The following CDON variants were observed in gnomAD, a reference collection of about 807,000 sequenced individuals.
The protein encoded by CDON is cell adhesion molecule-related/down-regulated by oncogenes.
In CDON, 73 loss-of-function variants were observed where a neutral mutation model predicts 120.9. The observed-to-expected ratio is 0.60, with a 90% CI of 0.50 to 0.73. CDON has a LOEUF of 0.73. Ranked by LOEUF, CDON falls within the 30% of genes least tolerant of loss-of-function variation. The pLI, the probability that CDON is intolerant of heterozygous loss-of-function variation, is 0.00. For missense variants in CDON, 1,470 were observed against 1,587.3 expected, an observed-to-expected ratio of 0.93 and a Z score of 1.26; for synonymous variants, 566 against 573.5, an observed-to-expected ratio of 0.99 and a Z score of 0.19.
intron 1 of CDON, among the ~76,000 whole-genome samples, chr11:126,045,736 C>T (rs1948390371): frequency 6.6e-6 from 1 of 152,012 alleles, no homozygotes; most frequent in Admixed American, 6.6e-5. Flanking sequence ...TTTGGGAGGC[C>T]CAGGTGGGCA....
At position 126,021,375 on chromosome 11, in the gene CDON, A is replaced by G; in HGVS notation, c.222T>C (p.His74=). The change falls in exon 3 of 20, where the codon CAT becomes CAC. Residue 74 remains histidine, a synonymous_variant. Coordinates refer to ENST00000531738, the MANE Select transcript of CDON (RefSeq NM_001378964.1). The part of the protein sequence containing the change: ...NGKTLDGNLE[H]VKIHQGTLTI... ...TCAGAGTCCCCTGATGAATCTTAACATGTTCCAGGTTTCCATCCAATGTTT... is the reference window on the plus strand; with the variant it reads ...TCAGAGTCCCCTGATGAATCTTAACGTGTTCCAGGTTTCCATCCAATGTTT... The G allele has an allele frequency of 6.2e-7, 1 of 1,614,124 alleles. No individual in the cohort carries two copies. Among genetic ancestry groups the G allele is most frequent in the Non-Finnish European group, 8.5e-7 (1 of 1,179,996 alleles).
intron 18 of CDON, among the ~76,000 whole-genome samples, chr11:125,968,013 C>T (rs372777560): frequency 3.3e-5 from 5 of 152,068 alleles, no homozygotes; most frequent in East Asian, 1.9e-4. Context: ...TGGGCCACCA[C>T]GCCTGGCTAA....
rs1477313727 is a variant in CDON at position 125,960,103 on chromosome 11, A to G, written c.*839T>C. 2 of 152,256 alleles carry G rather than the reference A, an allele frequency of 1.3e-5. No homozygotes were observed. Among genetic ancestry groups the G allele is most frequent in the Admixed American group, 1.3e-4 (2 of 15,292 alleles). The allele number at this position is 152,256 out of a possible 1,614,324, so 9.4% of individuals were successfully genotyped here. On this transcript the variant is annotated 3_prime_UTR_variant, in exon 20 of 20. Transcript: ENST00000531738. ...CGTGCAGATACAAAGTCAACAGGTCACATTACCACTTCTGTGGAAGGCACT... is the reference window on the plus strand; with the variant it reads ...CGTGCAGATACAAAGTCAACAGGTCGCATTACCACTTCTGTGGAAGGCACT...
At chr11:126,037,500 A>G (rs1948132390) in intron 1 of CDON, among the ~76,000 whole-genome samples, 1 of 152,198 alleles carries the variant, frequency 6.6e-6, no homozygotes, top group African/African-American at 2.4e-5. Flanking sequence ...GCAAAAATAT[A>G]TTGAGTACCT....
chr11:125,964,427 G>A (rs1294898548), intron 18 of CDON, among the ~76,000 whole-genome samples: 1 of 152,132 alleles, frequency 6.6e-6, no homozygotes, highest in Non-Finnish European at 1.5e-5. Flanking sequence ...AATCATGTCA[G>A]TCCCAGAATG....
chr11:126,000,142 T>G (rs1440911805), intron 11 of CDON, among the ~76,000 whole-genome samples: 1 of 152,226 alleles, frequency 6.6e-6, no homozygotes, highest in Non-Finnish European at 1.5e-5. Flanking sequence ...AAAATTGTTA[T>G]CAGTTTGTCT....
chr11:126,022,527 C>A (rs1011489096), intron 2 of CDON, among the ~76,000 whole-genome samples: 1 of 151,996 alleles, frequency 6.6e-6, no homozygotes, highest in Non-Finnish European at 1.5e-5. Context: ...TCTGTTCCAA[C>A]CCGAGAGTGG....
chr11:125,985,106 G>T (rs1266362409), intron 15 of CDON, among the ~76,000 whole-genome samples: 2 of 152,162 alleles, frequency 1.3e-5, no homozygotes, highest in African/African-American at 2.4e-5. Context: ...GAAGCACACA[G>T]CCTATGTTTA....
intron 18 of CDON, among the ~76,000 whole-genome samples, chr11:125,969,160 A>G (rs1218096235): frequency 6.6e-6 from 1 of 152,128 alleles, no homozygotes; most frequent in South Asian, 2.1e-4. Flanking sequence ...CACCATGCCC[A>G]GCTAATTTTG....
At chr11:126,059,135 T>G (rs1050382130) in intron 1 of CDON, among the ~76,000 whole-genome samples, 2 of 152,236 alleles carry the variant, frequency 1.3e-5, no homozygotes, top group African/African-American at 4.8e-5. Flanking sequence ...TGCTCTCAGT[T>G]TGAAAGTTAT....
At chr11:126,050,319 A>G (rs1424459302) in intron 1 of CDON, among the ~76,000 whole-genome samples, 5 of 152,106 alleles carry the variant, frequency 3.3e-5, no homozygotes, top group South Asian at 4.1e-4. Context: ...ACCTAAAAAG[A>G]AAGACTAAAG....
At chr11:125,986,413 T>C (rs923647385) in intron 15 of CDON, among the ~76,000 whole-genome samples, 1 of 152,030 alleles carries the variant, frequency 6.6e-6, no homozygotes, top group African/African-American at 2.4e-5. Context: ...ACATGTACCC[T>C]AGAACTTAAA....
intron 1 of CDON, among the ~76,000 whole-genome samples, chr11:126,027,498 A>G (rs1483857458): frequency 6.6e-6 from 1 of 152,200 alleles, no homozygotes; most frequent in East Asian, 1.9e-4. Context: ...TAATTTATTC[A>G]TATGTGTGTG....
At chr11:126,022,596 C>A (rs905099401) in intron 2 of CDON, among the ~76,000 whole-genome samples, 1 of 151,976 alleles carries the variant, frequency 6.6e-6, no homozygotes, top group African/African-American at 2.4e-5. Context: ...GAAAAAAAAT[C>A]AATAAATTGC....
At chr11:126,025,526 T>TGG (rs1555131637) in intron 1 of CDON, among the ~76,000 whole-genome samples, 8 of 85,562 alleles carry the variant, frequency 9.3e-5, no homozygotes, top group African/African-American at 3.2e-4. Context: ...GGTTTGTTTG[T>TGG]GGGGGGTGTG....
chr11:126,028,534 T>C (rs981081146), intron 1 of CDON, among the ~76,000 whole-genome samples: 3 of 151,988 alleles, frequency 2.0e-5, no homozygotes, highest in South Asian at 2.1e-4. Flanking sequence ...GGTTAATTTT[T>C]GTATTTTTAG....
intron 1 of CDON, among the ~76,000 whole-genome samples, chr11:126,031,972 A>T (rs1479154448): frequency 6.6e-6 from 1 of 152,144 alleles, no homozygotes; most frequent in Non-Finnish European, 1.5e-5. Flanking sequence ...TACCATCTCT[A>T]CAAATGTGCT....
chr11:126,039,581 ACT>A (rs893085114), intron 1 of CDON, among the ~76,000 whole-genome samples: 5 of 152,230 alleles, frequency 3.3e-5, no homozygotes, highest in African/African-American at 1.2e-4. Context: ...TAACATTTTC[ACT>A]GTCTTAAATC....
In CDON at chr11:125,981,151, A is replaced by G. The variant is rs1343119400; in HGVS notation, c.3174T>C (p.Asn1058=). 1 of 1,613,942 alleles carries G rather than the reference A, an allele frequency of 6.2e-7. No individual in the cohort carries two copies. The highest frequency in any genetic ancestry group is 8.5e-7 in the Non-Finnish European group (1 of 1,179,986). Residue 1058 remains asparagine (N), a synonymous_variant, in exon 17 of 20, where the codon AAT becomes AAC. Coordinates refer to ENST00000531738, the MANE Select transcript of CDON (RefSeq NM_001378964.1). ...CATTTAGGCTCCCATTCACAATTCC[A>G]TTGACTGCATTGGGGACCTTATGGT... The part of the protein sequence containing the change: ...HLHHKVPNAV[N]GIVNGSLNGG...
Sources: allele counts gnomAD v4.1 joint callset (sites outside exome capture counted in the v4.1 genomes callset), GRCh38; gene constraint gnomAD v4.1.1; transcripts MANE v1.5; gene names NCBI Gene and HGNC (gene_info 2026-07-23, HGNC 2026-07-21).